The following SNX29 variants were observed in gnomAD, a reference collection of about 807,000 sequenced individuals.
SNX29 encodes the protein sorting nexin-29.
Under a neutral mutation model 102.1 loss-of-function variants are expected in SNX29, and 78 were observed. The ratio of observed to expected loss-of-function variants is 0.76; its 90% confidence interval spans 0.64 to 0.92. SNX29 has a LOEUF of 0.92. Ranked by LOEUF, SNX29 falls within the 40% of genes least tolerant of loss-of-function variation. SNX29 has a pLI of 0.00. For synonymous variants in SNX29, 580 were observed against 414.5 expected, an observed-to-expected ratio of 1.40 and a Z score of -4.85; for missense variants, 1,280 against 1,061.7, an observed-to-expected ratio of 1.21 and a Z score of -2.86.
intron 20 of SNX29, among the ~76,000 whole-genome samples, chr16:12,565,134 C>T (rs5015208): frequency 2.0e-5 from 3 of 151,738 alleles, no homozygotes; most frequent in African/African-American, 4.8e-5. Context: ...TCCACATTAG[C>T]CCCCACTTCC....
rs752816885 is a variant in SNX29, at chr16:12,356,268, C to A, written c.1888C>A (p.Leu630Ile). The change falls in exon 16 of 21, where the codon CTC (leucine) becomes ATC (isoleucine). Residue 630 changes from leucine to isoleucine, a missense_variant. Transcript: ENST00000566228. ...CCAGATGAGGCAGGAGCTCATCGAT[C>A]TCCGGGGACCGGTGAGTGTTTCCCC... is the stretch of plus-strand genomic sequence containing the variant. ...VSQMRQELID[L>I]RGPVPGDLSQ... is the part of the protein sequence containing the mutation. 1.9e-6 allele frequency: 3 copies of A among 1,604,986 alleles called. No homozygotes were observed. The highest frequency in any genetic ancestry group is 2.3e-5 in the East Asian group (1 of 44,444).
At chr16:12,152,781 G>T (rs940852373) in intron 13 of SNX29, among the ~76,000 whole-genome samples, 1 of 152,128 alleles carries the variant, frequency 6.6e-6, no homozygotes, top group Non-Finnish European at 1.5e-5. Flanking sequence ...TACATTTTCC[G>T]GGTGTTTTCT....
chr16:12,241,812 T>C (rs1376107131), intron 14 of SNX29, among the ~76,000 whole-genome samples: 2 of 152,316 alleles, frequency 1.3e-5, no homozygotes, highest in Middle Eastern at 3.4e-3. Context: ...ACTAGTTTCA[T>C]CCATGATGGG....
chr16:12,285,087 A>G (rs991408134), intron 15 of SNX29, among the ~76,000 whole-genome samples: 3 of 152,122 alleles, frequency 2.0e-5, no homozygotes, highest in Non-Finnish European at 2.9e-5. Flanking sequence ...AGTGAATTCT[A>G]TTTTAGCTTA....
At chr16:12,368,525 A>G (rs2082568843) in intron 16 of SNX29, among the ~76,000 whole-genome samples, 1 of 152,208 alleles carries the variant, frequency 6.6e-6, no homozygotes, top group South Asian at 2.1e-4. Context: ...GACGTGGAAA[A>G]TACAGTCCCT....
chr16:12,481,688 C>A (rs138786373), intron 19 of SNX29, among the ~76,000 whole-genome samples: 12 of 152,146 alleles, frequency 7.9e-5, no homozygotes, highest in African/African-American at 2.9e-4. Flanking sequence ...GCACCCACCA[C>A]CACACTCAGC....
chr16:12,547,629 C>T (rs1316294970), intron 20 of SNX29, among the ~76,000 whole-genome samples: 1 of 152,132 alleles, frequency 6.6e-6, no homozygotes, highest in African/African-American at 2.4e-5. Flanking sequence ...TAAGCTGTCC[C>T]ATGGGATGGA....
chr16:12,077,218 T>C (rs2051618843), intron 10 of SNX29, among the ~76,000 whole-genome samples: 1 of 151,958 alleles, frequency 6.6e-6, no homozygotes, highest in South Asian at 2.1e-4. Flanking sequence ...GTTCAAGCCT[T>C]CAGCGAGCTG....
At chr16:12,029,689 G>A (rs1472100806) in intron 4 of SNX29, 1 of 443,280 alleles carries the variant, frequency 2.3e-6, no homozygotes, top group Non-Finnish European at 4.5e-6. Context: ...CCTCCCAGGT[G>A]CAAGTGATTC....
intron 18 of SNX29, among the ~76,000 whole-genome samples, chr16:12,411,719 T>C (rs1252812840): frequency 1.3e-5 from 2 of 152,054 alleles, no homozygotes; most frequent in Non-Finnish European, 2.9e-5. Context: ...AGGCAGGCTG[T>C]GTGGGGTAAA....
intron 11 of SNX29, among the ~76,000 whole-genome samples, chr16:12,085,688 A>ATCT (rs3975425): frequency 0.29 from 44,012 of 152,034 alleles, 6,591 homozygotes; most frequent in South Asian, 0.39. Flanking sequence ...TAGAATAATA[A>ATCT]TCTATCAAAA....
chr16:12,314,045 G>A (rs187995010), intron 15 of SNX29, among the ~76,000 whole-genome samples: 26 of 152,340 alleles, frequency 1.7e-4, no homozygotes, highest in Admixed American at 1.5e-3. Context: ...GAGCATAGTC[G>A]TGCACTCACA....
At chr16:12,007,685 C>T (rs376351925) in intron 3 of SNX29, among the ~76,000 whole-genome samples, 11 of 152,272 alleles carry the variant, frequency 7.2e-5, no homozygotes, top group East Asian at 3.9e-4. Context: ...TCCTGGCCCG[C>T]GGTCCCCATC....
intron 4 of SNX29, among the ~76,000 whole-genome samples, chr16:12,034,511 G>A (rs978430152): frequency 6.6e-6 from 1 of 152,196 alleles, no homozygotes; most frequent in Non-Finnish European, 1.5e-5. Context: ...TGCTGTACCC[G>A]TTGGGCTGTG....
intron 11 of SNX29, among the ~76,000 whole-genome samples, chr16:12,100,134 A>G (rs1030107899): frequency 6.6e-6 from 1 of 152,168 alleles, no homozygotes; most frequent in Non-Finnish European, 1.5e-5. Context: ...TGTGAGCCCA[A>G]TACCTTCTGG....
intron 20 of SNX29, among the ~76,000 whole-genome samples, chr16:12,541,403 A>G (rs1489948707): frequency 6.6e-6 from 1 of 152,164 alleles, no homozygotes; most frequent in Non-Finnish European, 1.5e-5. Context: ...CATTGTACAG[A>G]TAAAGAAACT....
At chr16:12,372,782 G>T (rs1367524081) in intron 16 of SNX29, 1 of 152,180 alleles carries the variant, frequency 6.6e-6, no homozygotes, top group South Asian at 2.1e-4. Flanking sequence ...GGGAATGGTG[G>T]TATCAATCGA....
intron 4 of SNX29, among the ~76,000 whole-genome samples, chr16:12,030,423 C>G (rs1185662575): frequency 6.6e-6 from 1 of 152,162 alleles, no homozygotes; most frequent in Non-Finnish European, 1.5e-5. Context: ...ATGGCTCTGC[C>G]TTTTACCCAG....
intron 18 of SNX29, among the ~76,000 whole-genome samples, chr16:12,476,388 ATATATATATATATATATATATATACAT>A (rs2087617249): frequency 1.6e-4 from 2 of 12,364 alleles, no homozygotes; most frequent in African/African-American, 1.1e-3. Context: ...AAAAAAATAT[ATATATATATATATATATATATATACAT>A]ATATATATAT....
Sources: gnomAD v4.1 joint callset for allele counts (sites outside exome capture counted in the v4.1 genomes callset) on GRCh38, gnomAD v4.1.1 for gene constraint, MANE v1.5 for transcripts, NCBI Gene and HGNC (gene_info 2026-07-23, HGNC 2026-07-21) for gene names.